The following NISCH variants were observed in gnomAD, a reference collection of about 807,000 sequenced individuals.
NISCH encodes nischarin, also known as I-1 receptor candidate protein.
In NISCH, 55 loss-of-function variants were observed where a neutral mutation model predicts 138.4. That is an observed-to-expected ratio of 0.40 (90% confidence interval 0.32 to 0.50). The LOEUF (loss-of-function observed/expected upper bound fraction) is 0.50. NISCH is among the 20% of genes least tolerant of loss of function. The pLI, the probability that NISCH is intolerant of heterozygous loss-of-function variation, is 0.71. For synonymous variants in NISCH, 860 were observed against 861.5 expected (o/e 1.00, Z 0.03); for missense variants, 1,643 against 2,005.5 (o/e 0.82, Z 3.45).
chr3:52,467,716 C>G (rs971310321), intron 3 of NISCH, among the ~76,000 whole-genome samples: 4 of 152,254 alleles, frequency 2.6e-5, no homozygotes, highest in African/African-American at 7.2e-5. Context: ...GTGGCCCTTA[C>G]TTTCTCTCAA....
rs373156826 is a variant in NISCH, at chr3:52,480,301, C to G, written c.1528+6C>G. ...GCCCATCCTCTCTAACCAAGGTAATCGTGTATGTATCTTGCTTCTAGTGGA... is the reference window on the plus strand; with the variant it reads ...GCCCATCCTCTCTAACCAAGGTAATGGTGTATGTATCTTGCTTCTAGTGGA... On this transcript the variant is annotated splice_donor_region_variant and intron_variant, in intron 13 of 20. Coordinates refer to ENST00000345716, the MANE Select transcript of NISCH (RefSeq NM_007184.4). 1.1e-4 allele frequency: 174 copies of G among 1,613,768 alleles called. No homozygotes were observed. The highest frequency in any genetic ancestry group is 4.7e-4 in the African/African-American group (35 of 75,054).
chr3:52,481,258 C>T lies in NISCH; in HGVS notation c.1528+963C>T, dbSNP rs186257988. On this transcript the variant is annotated intron_variant, in intron 13 of 20. Coordinates refer to ENST00000345716, the MANE Select transcript of NISCH (RefSeq NM_007184.4). ...CTGTGGTGCAGAATGCTCAGCAGCC[C>T]TCCCAGCAGGGACAGGAAGACTGGG... The T allele has an allele frequency of 2.8e-3, 3,051 of 1,070,934 alleles. 45 individuals are homozygous for T. The South Asian group carries it at 0.044, about 15-fold the overall frequency. 66.3% of individuals were successfully genotyped at this position (1,070,934 alleles called of 1,614,324 possible).
At chr3:52,490,508 A>G (rs1251239992) in intron 18 of NISCH, among the ~76,000 whole-genome samples, 197 bp from the exon 19 acceptor site, 2 of 152,196 alleles carry the variant, frequency 1.3e-5, no homozygotes, top group Admixed American at 6.5e-5. Context: ...GGGGCTGCAC[A>G]GGAAGCCCTA....
chr3:52,481,876 A>C (rs900961010), intron 13 of NISCH: 7 of 985,442 alleles, frequency 7.1e-6, no homozygotes, highest in Non-Finnish European at 8.4e-6. Context: ...TGGCCTCCAG[A>C]TTTGCACCTC....
chr3:52,465,132 A>G (rs1706745504), intron 3 of NISCH, among the ~76,000 whole-genome samples: 1 of 151,904 alleles, frequency 6.6e-6, no homozygotes, highest in African/African-American at 2.4e-5. Context: ...TCCTGTATGG[A>G]TTTTGTTTGT....
In NISCH at chr3:52,490,061, C is replaced by A. The variant is rs749351380; in HGVS notation, c.3457-14C>A. 1.2e-6 allele frequency: 2 copies of A among 1,612,882 alleles called. No individual in the cohort carries two copies. Among genetic ancestry groups the A allele is most frequent in the South Asian group, 2.2e-5 (2 of 90,994 alleles). On this transcript the variant is annotated splice_polypyrimidine_tract_variant and intron_variant, in intron 17 of 20. Coordinates refer to ENST00000345716, the MANE Select transcript of NISCH (RefSeq NM_007184.4). ...CTAGGGTGGTGGAGCTGACAGGAGG[C>A]CCCCCGTCTTCAGGTTGAAAACGAG... is the stretch of plus-strand genomic sequence containing the variant.
chr3:52,456,786 A>G (rs1292417852), intron 1 of NISCH, among the ~76,000 whole-genome samples: 7 of 152,234 alleles, frequency 4.6e-5, no homozygotes, highest in African/African-American at 1.7e-4. Context: ...GCTGCTCCTC[A>G]GGGCTGGAGG....
chr3:52,476,717 C>A, intron 8 of NISCH, 118 bp downstream of exon 8: 2 of 955,824 alleles, frequency 2.1e-6, no homozygotes, highest in Non-Finnish European at 1.6e-6. Flanking sequence ...GTGCTCTGTG[C>A]ATTGCCTGCC....
Position 52,489,486 on chromosome 3 carries a change from G to A in NISCH, c.3264G>A (p.Glu1088=). The change falls in exon 17 of 21, where the codon GAG becomes GAA. Residue 1088 remains glutamate, a synonymous_variant. Coordinates refer to ENST00000345716, the MANE Select transcript of NISCH (RefSeq NM_007184.4). ...AEASTSALVP[E]ETPVEAPAPP... ...CCTCAACTTCAGCTTTGGTCCCAGAGGAGACGCCAGTGGAAGCTCCAGCCC... is the reference window on the plus strand; with the variant it reads ...CCTCAACTTCAGCTTTGGTCCCAGAAGAGACGCCAGTGGAAGCTCCAGCCC... The A allele has an allele frequency of 6.2e-7, 1 of 1,608,614 alleles. No homozygotes were observed. The highest frequency in any genetic ancestry group is 1.1e-5 in the South Asian group (1 of 90,996).
At chr3:52,481,857 T>A in intron 13 of NISCH, 1 of 985,526 alleles carries the variant, frequency 1.0e-6, no homozygotes, top group Non-Finnish European at 1.2e-6. Context: ...ATCGCTGGAC[T>A]TCTGGACATG....
At chr3:52,470,200 GTGT>G (rs1401033204) in intron 3 of NISCH, among the ~76,000 whole-genome samples, 6 of 152,116 alleles carry the variant, frequency 3.9e-5, no homozygotes, top group African/African-American at 1.4e-4. Context: ...GGATCCAAGC[GTGT>G]TGTTTGTATG....
At chr3:52,485,849 G>T in intron 15 of NISCH, 22 bp downstream of exon 15, 1 of 1,567,778 alleles carries the variant, frequency 6.4e-7, no homozygotes, top group Admixed American at 1.9e-5. Flanking sequence ...GTTGGAAAGG[G>T]ACCTGGGCCT....
intron 3 of NISCH, among the ~76,000 whole-genome samples, chr3:52,466,999 C>CTTTTT (rs11457136): frequency 8.1e-6 from 1 of 122,754 alleles, no homozygotes; most frequent in Admixed American, 9.2e-5. Context: ...GTTTCTTTTT[C>CTTTTT]TTTTTTTTTT....
At chr3:52,474,494 C>T (rs1707044711) in intron 7 of NISCH, among the ~76,000 whole-genome samples, 1 of 152,104 alleles carries the variant, frequency 6.6e-6, no homozygotes, top group Non-Finnish European at 1.5e-5. Flanking sequence ...GACGGGGTTT[C>T]ACCATGTTAG....
At chr3:52,471,523 C>G in intron 4 of NISCH, 1 of 527,388 alleles carries the variant, frequency 1.9e-6, no homozygotes, top group South Asian at 2.2e-5. Flanking sequence ...TCTCCGCAGC[C>G]TCACTCTGGC....
chr3:52,486,981 ACT>A (rs1466101449), intron 15 of NISCH, among the ~76,000 whole-genome samples: 2 of 152,112 alleles, frequency 1.3e-5, no homozygotes, highest in African/African-American at 2.4e-5. Flanking sequence ...AGAAGCATAG[ACT>A]CTGACCAAAC....
intron 12 of NISCH, 67 bp downstream of exon 12, chr3:52,479,929 G>A: frequency 1.6e-6 from 2 of 1,289,578 alleles, no homozygotes; most frequent in South Asian, 2.6e-5. Context: ...CAGTTTGGGG[G>A]GCTTGGGCCA....
chr3:52,480,363 G>T (rs1477135286), intron 13 of NISCH, 68 bp downstream of exon 13: 1 of 1,594,294 alleles, frequency 6.3e-7, no homozygotes, highest in Middle Eastern at 1.7e-4. Context: ...GGCTGGGCTG[G>T]GGTTGGGGGA....
Position 52,487,544 on chromosome 3 carries a change from G to A in NISCH, c.2052G>A (p.Glu684=), listed in dbSNP as rs62639325. The change falls in exon 16 of 21, where the codon GAG becomes GAA. Residue 684 remains glutamate (E), a synonymous_variant. Transcript: ENST00000345716. The surrounding 1 kb of genome is among the most constrained non-coding windows in gnomAD (Gnocchi z 9.1). ...EEEEEEDEEA[E]EERLALEWAL... ...AGGAAGAGGAGGATGAAGAGGCCGA[G>A]GAGGAGCGCCTGGCTCTGGAATGGG... The A allele has an allele frequency of 8.9e-5, 143 of 1,610,090 alleles. 4 individuals carry two copies. The Middle Eastern group carries it at 1.3e-3, about 15-fold the overall frequency.
Sources: gnomAD v4.1 joint callset for allele counts (sites outside exome capture counted in the v4.1 genomes callset) on GRCh38, gnomAD v4.1.1 for gene constraint, Gnocchi (gnomAD v3.1) non-coding constraint, MANE v1.5 for transcripts, NCBI Gene and HGNC (gene_info 2026-07-23, HGNC 2026-07-21) for gene names.